Variants in CPLANE1 observed in about 807,000 individuals in gnomAD.
CPLANE1 encodes ciliogenesis and planar polarity effector 1.
Under a neutral mutation model 362.5 loss-of-function variants are expected in CPLANE1, and 263 were observed. The ratio of observed to expected loss-of-function variants is 0.73; its 90% CI spans 0.66 to 0.80. The LOEUF (loss-of-function observed/expected upper bound fraction) is 0.80. Among genes scored for constraint, CPLANE1 ranks in the 30% least tolerant of loss-of-function variants. CPLANE1 has a pLI of 0.00. For synonymous variants in CPLANE1, 1,212 were observed against 1,302.6 expected (o/e 0.93, Z 1.50); for missense variants, 3,461 against 3,793.4 (o/e 0.91, Z 2.30).
intron 25 of CPLANE1, among the ~76,000 whole-genome samples, chr5:37,184,141 A>C (rs1182071765): frequency 1.3e-5 from 2 of 152,188 alleles, no homozygotes; most frequent in African/African-American, 4.8e-5. Flanking sequence ...TACCATGTGT[A>C]ATAAGCAAGA....
At chr5:37,165,463 C>T (rs1777999071) in intron 36 of CPLANE1, 76 bp downstream of exon 36, 2 of 1,423,738 alleles carry the variant, frequency 1.4e-6, no homozygotes, top group Non-Finnish European at 1.9e-6. Flanking sequence ...AGCAATCAGA[C>T]TAGATAAACC....
the CPLANE1 span, among the ~76,000 whole-genome samples, chr5:37,082,266 A>G: frequency 6.6e-6 from 1 of 152,222 alleles, no homozygotes; most frequent in Non-Finnish European, 1.5e-5. Flanking sequence ...TACCATTCAA[A>G]AATGGATGAC....
intron 47 of CPLANE1, among the ~76,000 whole-genome samples, chr5:37,123,930 T>TACAC (rs56833956): frequency 0.14 from 20,049 of 144,402 alleles, 1,719 homozygotes; most frequent in African/African-American, 0.25. Flanking sequence ...TAGGGGAACA[T>TACAC]ACACACACAC....
chr5:37,175,872 A>C, intron 31 of CPLANE1, 37 bp downstream of exon 31: 1 of 1,392,174 alleles, frequency 7.2e-7, no homozygotes. Flanking sequence ...GTAAAACACA[A>C]CTATTTTTAA....
chr5:37,209,337 G>T lies in CPLANE1; in HGVS notation c.2921-2912C>A. The T allele has an allele frequency of 1.1e-6, 1 of 898,690 alleles. No individual in the cohort carries two copies. The highest frequency in any genetic ancestry group is 1.9e-6 in the Non-Finnish European group (1 of 532,926). 55.7% of individuals were successfully genotyped at this position (898,690 alleles called of 1,614,324 possible). Reference sequence around the variant, plus strand: ...CTCGGGCCACGGCGGGGCGAGCGAGGCGGGCTCCGGAGGAAGCTGACGGCT... The same window carrying T: ...CTCGGGCCACGGCGGGGCGAGCGAGTCGGGCTCCGGAGGAAGCTGACGGCT... On this transcript the variant is annotated intron_variant, in intron 16 of 52. Coordinates refer to ENST00000651892, the MANE Select transcript of CPLANE1 (RefSeq NM_001384732.1). The surrounding 1 kb of genome is among the most constrained non-coding windows in gnomAD (Gnocchi z 4.6).
the CPLANE1 span, among the ~76,000 whole-genome samples, chr5:37,100,166 A>G: frequency 6.6e-6 from 1 of 152,004 alleles, no homozygotes. Context: ...TAGCATTTTC[A>G]TTGTGAAATC....
the CPLANE1 span, among the ~76,000 whole-genome samples, chr5:37,101,029 CTAGA>C: frequency 8.6e-4 from 131 of 152,310 alleles, no homozygotes; most frequent in African/African-American, 3.1e-3. Context: ...ATGGGGTTTT[CTAGA>C]TATAGGATCA....
At chr5:37,127,280 C>A (rs1315507929) in intron 46 of CPLANE1, among the ~76,000 whole-genome samples, 4 of 151,980 alleles carry the variant, frequency 2.6e-5, no homozygotes, top group South Asian at 2.1e-4. Flanking sequence ...ATCTTGGGGA[C>A]CCCCAGCACA....
At chr5:37,147,582 G>A (rs911678789) in intron 43 of CPLANE1, among the ~76,000 whole-genome samples, 1 of 151,764 alleles carries the variant, frequency 6.6e-6, no homozygotes, top group African/African-American at 2.4e-5. Flanking sequence ...CCCCAAAATA[G>A]AAGAAATAAT....
At chr5:37,126,492 C>T (rs890409361) in intron 46 of CPLANE1, among the ~76,000 whole-genome samples, 2 of 152,198 alleles carry the variant, frequency 1.3e-5, no homozygotes, top group African/African-American at 4.8e-5. Flanking sequence ...GTCTCCCCTA[C>T]CCTCTTTCCC....
intron 42 of CPLANE1, among the ~76,000 whole-genome samples, chr5:37,150,126 G>A (rs924601755): frequency 2.6e-5 from 4 of 152,090 alleles, no homozygotes; most frequent in Admixed American, 2.6e-4. Flanking sequence ...CTCTGAAAAA[G>A]CATCTGAGTG....
At chr5:37,230,501 G>T (rs538163320) in intron 9 of CPLANE1, among the ~76,000 whole-genome samples, 1 of 151,770 alleles carries the variant, frequency 6.6e-6, no homozygotes, top group African/African-American at 2.4e-5. Context: ...TTTCCCTTTG[G>T]GAAAAAAGTA....
intron 21 of CPLANE1, 39 bp from the exon 22 acceptor site, chr5:37,187,881 G>GT (rs879246860): frequency 7.1e-7 from 1 of 1,414,234 alleles, no homozygotes; most frequent in South Asian, 1.2e-5. Flanking sequence ...AATCACATGA[G>GT]TATGTACATT....
At chr5:37,246,893 C>T (rs375638996) in intron 2 of CPLANE1, among the ~76,000 whole-genome samples, 15 of 152,120 alleles carry the variant, frequency 9.9e-5, no homozygotes, top group South Asian at 4.2e-4. Context: ...GGCAACAGAG[C>T]GAGACTCCAT....
chr5:37,205,681 C>T (rs1323751586), intron 17 of CPLANE1, among the ~76,000 whole-genome samples: 1 of 152,142 alleles, frequency 6.6e-6, no homozygotes, highest in Non-Finnish European at 1.5e-5. Context: ...ACCCTAAACA[C>T]GGGCTTTACT....
intron 42 of CPLANE1, among the ~76,000 whole-genome samples, chr5:37,153,433 A>G (rs984700117): frequency 3.3e-5 from 5 of 152,288 alleles, no homozygotes; most frequent in Admixed American, 3.3e-4. Flanking sequence ...ACTGAGGGTG[A>G]TTTTGGCTCC....
At position 37,169,392 on chromosome 5, in the gene CPLANE1, C is replaced by G. The variant is rs1359733506; in HGVS notation, c.6632G>C (p.Arg2211Thr). ...AAATGTTTTTGCATGTGGGATAAGT[C>G]TAGGTGCCTTCTGAACAACAGAAGG... is the stretch of plus-strand genomic sequence containing the variant. ...STPSVVQKAP[R>T]LIPHAKTFSP... The change falls in exon 34 of 53, where the codon AGA becomes ACA. Residue 2211 changes from arginine to threonine, a missense_variant. Around this residue, in one of 2 missense-constraint regions of CPLANE1, gnomAD observed 3,380 missense variants for 3,666.1 expected, o/e 0.92. Transcript: ENST00000651892. 1.2e-6 allele frequency: 2 copies of G among 1,614,018 alleles called. No individual in the cohort carries two copies. The highest frequency in any genetic ancestry group is 1.7e-6 in the Non-Finnish European group (2 of 1,180,032).
intron 12 of CPLANE1, 47 bp from the exon 13 acceptor site, chr5:37,224,787 G>C: frequency 7.5e-7 from 1 of 1,328,408 alleles, no homozygotes; most frequent in Non-Finnish European, 1.1e-6. Flanking sequence ...TCAGGCTAAT[G>C]ATGAGTTTAG....
Position 37,245,570 on chromosome 5 carries a change from T to C in CPLANE1, c.246A>G (p.Thr82=). The C allele has an allele frequency of 6.6e-7, 1 of 1,526,674 alleles. No homozygotes were observed. Among genetic ancestry groups the C allele is most frequent in the Non-Finnish European group, 8.8e-7 (1 of 1,136,222 alleles). 94.6% of individuals were successfully genotyped at this position (1,526,674 alleles called of 1,614,324 possible). ...CTTTGTTCCAAAGGAAAAGCTCTCC[T>C]GTAGTTAGTACCCCAGCCAGCCAGG... is the stretch of plus-strand genomic sequence containing the variant. ...NDAWLAGVLT[T]GELFLWNKDQ... The change falls in exon 4 of 53, where the codon ACA becomes ACG. Residue 82 remains threonine (T), a synonymous_variant. Coordinates refer to ENST00000651892, the MANE Select transcript of CPLANE1 (RefSeq NM_001384732.1).
Sources: allele counts gnomAD v4.1 joint callset (sites outside exome capture counted in the v4.1 genomes callset), GRCh38; gene constraint gnomAD v4.1.1; regional missense constraint gnomAD v4.1.1; non-coding constraint Gnocchi (gnomAD v3.1); transcripts MANE v1.5; gene names NCBI Gene and HGNC (gene_info 2026-07-23, HGNC 2026-07-21).